The following TENM4 variants were observed in gnomAD, a reference collection of about 807,000 sequenced individuals.
TENM4 encodes the protein teneurin-4.
In TENM4, 82 loss-of-function variants were observed where a neutral mutation model predicts 243.3. The ratio of observed to expected loss-of-function variants is 0.34; its 90% CI spans 0.28 to 0.40. TENM4 has a LOEUF of 0.40. Among genes scored for constraint, TENM4 ranks in the 10% least tolerant of loss-of-function variants. TENM4 has a pLI of 1.00. For missense variants in TENM4, 3,138 were observed against 3,673.3 expected (o/e 0.85, Z 3.77); for synonymous variants, 1,412 against 1,456.3 (o/e 0.97, Z 0.69).
At chr11:79,067,133 A>T (rs1269699960) in intron 5 of TENM4, among the ~76,000 whole-genome samples, 1 of 152,212 alleles carries the variant, frequency 6.6e-6, no homozygotes, top group East Asian at 1.9e-4. Context: ...CGGACCAGGC[A>T]TAAAAGAAGC....
At chr11:79,066,949 C>T (rs1272746977) in intron 5 of TENM4, among the ~76,000 whole-genome samples, 2 of 152,190 alleles carry the variant, frequency 1.3e-5, no homozygotes, top group Non-Finnish European at 2.9e-5. Flanking sequence ...GCCTTGATGC[C>T]AGGTTACAGT....
chr11:79,396,504 C>T (rs1199220050), intron 1 of TENM4, among the ~76,000 whole-genome samples: 1 of 152,190 alleles, frequency 6.6e-6, no homozygotes, highest in East Asian at 1.9e-4. Flanking sequence ...GATCCCCAGA[C>T]CTAAATGGTC....
intron 6 of TENM4, among the ~76,000 whole-genome samples, chr11:79,030,697 A>C (rs1859207253): frequency 6.6e-6 from 1 of 152,078 alleles, no homozygotes. Flanking sequence ...CACAATCCCC[A>C]GGAAGGAGTG....
chr11:79,298,538 A>AAAAG (rs1856496765), intron 1 of TENM4, among the ~76,000 whole-genome samples: 1 of 146,804 alleles, frequency 6.8e-6, no homozygotes, highest in Non-Finnish European at 1.5e-5. Flanking sequence ...AAAAAAAAAA[A>AAAAG]AAAAAAAAAA....
chr11:78,931,926 G>C (rs1201511591), intron 6 of TENM4, among the ~76,000 whole-genome samples: 1 of 152,156 alleles, frequency 6.6e-6, no homozygotes, highest in Non-Finnish European at 1.5e-5. Flanking sequence ...CTACGAATTT[G>C]AGGCTGCAGT....
In TENM4 at chr11:78,688,176, A is replaced by T; in HGVS notation, c.5138T>A (p.Val1713Glu). Residue 1713 changes from valine to glutamate, a missense_variant, in exon 29 of 34, where the codon GTG becomes GAG. By Grantham distance (121) the Val-to-Glu change is moderately radical (BLOSUM62 -2). Around this residue, in one of 2 missense-constraint regions of TENM4, gnomAD observed 2,467 missense variants for 3,059.1 expected, o/e 0.81. Coordinates refer to ENST00000278550, the MANE Select transcript of TENM4 (RefSeq NM_001098816.3). ...GTCTGTATCACTTCGGAAACTGCTC[A>T]CCTGGCCAGTAGGGAAGGTCACATT... Reference protein sequence around the residue: ...LTNVTFPTGQVSSFRSDTDSS... With the variant: ...LTNVTFPTGQESSFRSDTDSS... 6.2e-7 allele frequency: 1 copy of T among 1,613,868 alleles called. No homozygotes were observed. Among genetic ancestry groups the T allele is most frequent in the Non-Finnish European group, 8.5e-7 (1 of 1,179,830 alleles).
chr11:79,173,248 C>T (rs1863086091), intron 3 of TENM4, among the ~76,000 whole-genome samples: 1 of 152,196 alleles, frequency 6.6e-6, no homozygotes, highest in Non-Finnish European at 1.5e-5. Flanking sequence ...AAAACTTCAT[C>T]TTTATTCCTG....
chr11:79,278,636 G>A (rs959801771), intron 2 of TENM4, among the ~76,000 whole-genome samples: 3 of 152,134 alleles, frequency 2.0e-5, no homozygotes, highest in Middle Eastern at 3.2e-3. Flanking sequence ...TTTTATTGAC[G>A]TTAAACTGAT....
intron 6 of TENM4, among the ~76,000 whole-genome samples, chr11:78,913,978 G>A (rs1451905808): frequency 6.6e-6 from 1 of 152,176 alleles, no homozygotes; most frequent in Non-Finnish European, 1.5e-5. Context: ...CTTAAAGAAG[G>A]AGTATGTGTT....
At chr11:79,429,362 G>A (rs946279049) in intron 1 of TENM4, among the ~76,000 whole-genome samples, 2 of 152,016 alleles carry the variant, frequency 1.3e-5, no homozygotes, top group East Asian at 1.9e-4. Context: ...ACCTGCACTC[G>A]CCACCGGACT....
chr11:79,336,355 G>A (rs1261136395), intron 1 of TENM4, among the ~76,000 whole-genome samples: 1 of 152,144 alleles, frequency 6.6e-6, no homozygotes, highest in Non-Finnish European at 1.5e-5. Context: ...AGTAACAAGA[G>A]CCATCTCGCA....
At chr11:79,168,305 T>C (rs567341211) in intron 3 of TENM4, among the ~76,000 whole-genome samples, 3 of 152,120 alleles carry the variant, frequency 2.0e-5, no homozygotes, top group Non-Finnish European at 4.4e-5. Flanking sequence ...GTCCTCACAA[T>C]GTCAGTACCT....
chr11:78,777,485 C>A (rs72939840), intron 17 of TENM4, among the ~76,000 whole-genome samples: 1 of 152,208 alleles, frequency 6.6e-6, no homozygotes, highest in Non-Finnish European at 1.5e-5. Context: ...TAATGAAGTC[C>A]TTCTTCAAAT....
At chr11:79,235,926 G>C (rs1459509809) in intron 2 of TENM4, among the ~76,000 whole-genome samples, 1 of 151,960 alleles carries the variant, frequency 6.6e-6, no homozygotes, top group Non-Finnish European at 1.5e-5. Flanking sequence ...TTCGTGCCCT[G>C]ATGCCTGAGG....
At chr11:78,689,154 A>C (rs1590940129) in intron 28 of TENM4, among the ~76,000 whole-genome samples, 2 of 152,294 alleles carry the variant, frequency 1.3e-5, no homozygotes, top group East Asian at 3.9e-4. Context: ...TCACACAGCT[A>C]ATTAAGTGTG....
intron 14 of TENM4, among the ~76,000 whole-genome samples, chr11:78,809,039 C>T (rs1857443390): frequency 6.6e-6 from 1 of 152,344 alleles, no homozygotes; most frequent in Admixed American, 6.5e-5. Flanking sequence ...TTGAAACTGT[C>T]TCTGAGAATC....
intron 6 of TENM4, among the ~76,000 whole-genome samples, chr11:78,977,435 C>T (rs59401354): frequency 0.039 from 6,005 of 152,302 alleles, 324 homozygotes; most frequent in East Asian, 0.2. Context: ...TCCCCTTTTA[C>T]AGATGAATAC....
intron 9 of TENM4, among the ~76,000 whole-genome samples, chr11:78,864,713 T>C (rs1310817332): frequency 6.6e-6 from 1 of 152,122 alleles, no homozygotes; most frequent in African/African-American, 2.4e-5. Flanking sequence ...TCCCCACACA[T>C]GGAAGTAAGC....
intron 2 of TENM4, among the ~76,000 whole-genome samples, chr11:79,276,344 C>A (rs1856055796): frequency 6.6e-6 from 1 of 152,248 alleles, no homozygotes; most frequent in Non-Finnish European, 1.5e-5. Context: ...CGGGCTATGT[C>A]TGCCTGGAGG....
Sources: gnomAD v4.1 joint callset for allele counts (sites outside exome capture counted in the v4.1 genomes callset) on GRCh38, gnomAD v4.1.1 for gene constraint, gnomAD v4.1.1 regional missense constraint, MANE v1.5 for transcripts, NCBI Gene and HGNC (gene_info 2026-07-23, HGNC 2026-07-21) for gene names.